KRIT1: variants seen among roughly 807,000 people sequenced by gnomAD.
KRIT1 encodes the protein krev interaction trapped protein 1.
A neutral mutation model predicts 95.8 loss-of-function variants in KRIT1; 45 were observed. The ratio of observed to expected loss-of-function variants is 0.47; its 90% CI spans 0.37 to 0.60. The LOEUF is 0.60. KRIT1 is among the 20% of genes least tolerant of loss of function. The pLI is 0.00. For missense variants in KRIT1, 788 were observed against 877.5 expected (o/e 0.90, Z 1.29); for synonymous variants, 282 against 278.8 (o/e 1.01, Z -0.11).
intron 17 of KRIT1, among the ~76,000 whole-genome samples, chr7:92,207,869 A>G (rs544952211): frequency 5.9e-5 from 9 of 152,266 alleles, no homozygotes; most frequent in African/African-American, 1.9e-4. Flanking sequence ...AAAAAAATAT[A>G]AACAAACAAA....
intron 10 of KRIT1, among the ~76,000 whole-genome samples, chr7:92,233,932 C>A (rs1469080547): frequency 1.3e-5 from 2 of 152,122 alleles, no homozygotes; most frequent in Admixed American, 6.6e-5. Context: ...AGAGCTAACC[C>A]CAATCCTGTC....
At chr7:92,224,718 ATTTTAC>A (rs925470792) in intron 12 of KRIT1, among the ~76,000 whole-genome samples, 10 of 152,150 alleles carry the variant, frequency 6.6e-5, no homozygotes, top group Admixed American at 3.3e-4. Context: ...GGAAACACCT[ATTTTAC>A]TTTTATGAGG....
intron 11 of KRIT1, 35 bp from the exon 12 acceptor site, chr7:92,225,862 T>A: frequency 1.9e-6 from 2 of 1,061,232 alleles, no homozygotes; most frequent in Non-Finnish European, 3.0e-6. Context: ...AAAAAAGGCA[T>A]TACATATTAT....
In KRIT1 at chr7:92,222,005, C is replaced by G; in HGVS notation, c.1460G>C (p.Trp487Ser). 6.2e-7 allele frequency: 1 copy of G among 1,613,442 alleles called. No individual in the cohort carries two copies. The highest frequency in any genetic ancestry group is 8.5e-7 in the Non-Finnish European group (1 of 1,179,452). ...AGTCAATTCAGCAAGTATTTCTGGC[C>G]AGTCACGAACATGTTGCAAGGGTTT... Reference protein sequence around the residue: ...YHKPLQHVRDWPEILAELTNL... With the variant: ...YHKPLQHVRDSPEILAELTNL... The change falls in exon 14 of 19, where the codon TGG (tryptophan) becomes TCG (serine). Residue 487 changes from tryptophan (W) to serine (S), a missense_variant. Trp to Ser is a radical substitution (Grantham distance 177). Transcript: ENST00000394505.
rs551631173 is a variant in KRIT1 at position 92,244,984 on chromosome 7, C to T, written c.-233G>A. 1 of 152,000 alleles carries T rather than the reference C, an allele frequency of 6.6e-6. No homozygotes were observed. Among genetic ancestry groups the T allele is most frequent in the African/African-American group, 2.4e-5 (1 of 41,416 alleles). 9.4% of individuals were successfully genotyped at this position (152,000 alleles called of 1,614,324 possible). A position where few individuals can be genotyped will look rare whatever the true frequency, so the allele number is the denominator to read the frequency against. On this transcript the variant is annotated 5_prime_UTR_variant, in exon 2 of 19. Transcript: ENST00000394505. ...GAGATGTACAACTGCCATTTAGTGT[C>T]CATGGAACAGGTTTGCTAACATCCT... is the stretch of plus-strand genomic sequence containing the variant.
At chr7:92,227,523 A>G (rs1796438368) in intron 10 of KRIT1, among the ~76,000 whole-genome samples, 1 of 152,168 alleles carries the variant, frequency 6.6e-6, no homozygotes, top group Admixed American at 6.5e-5. Flanking sequence ...CTCTGATAGA[A>G]GAACAATTTG....
chr7:92,227,960 C>T (rs1796530265), intron 10 of KRIT1, among the ~76,000 whole-genome samples: 1 of 151,940 alleles, frequency 6.6e-6, no homozygotes, highest in Non-Finnish European at 1.5e-5. Flanking sequence ...TGCAGTGAGC[C>T]AGAGATCGCG....
At chr7:92,204,763 C>T (rs1004317618) in intron 17 of KRIT1, among the ~76,000 whole-genome samples, 2 of 152,038 alleles carry the variant, frequency 1.3e-5, no homozygotes, top group African/African-American at 4.8e-5. Flanking sequence ...TGAAGCTTTG[C>T]TTGCTGCTCA....
At chr7:92,212,403 T>C (rs1238006563) in intron 17 of KRIT1, among the ~76,000 whole-genome samples, 1 of 152,184 alleles carries the variant, frequency 6.6e-6, no homozygotes, top group Non-Finnish European at 1.5e-5. Context: ...GTGTCCTGCC[T>C]CCCAAAATTG....
chr7:92,218,087 C>G (rs986077798), intron 14 of KRIT1, among the ~76,000 whole-genome samples: 1 of 152,128 alleles, frequency 6.6e-6, no homozygotes, highest in African/African-American at 2.4e-5. Context: ...GGGTCTTGCT[C>G]TTTCATCCAG....
intron 6 of KRIT1, among the ~76,000 whole-genome samples, chr7:92,237,207 A>G (rs905615099): frequency 3.9e-5 from 6 of 152,168 alleles, no homozygotes; most frequent in Non-Finnish European, 8.8e-5. Context: ...CCAAAGGAAT[A>G]AAACATTTTC....
At chr7:92,235,780 T>TAAC in intron 7 of KRIT1, 134 bp from the exon 8 acceptor site, 1 of 781,920 alleles carries the variant, frequency 1.3e-6, no homozygotes, top group Non-Finnish European at 2.0e-6. Context: ...TTAGTGTTAG[T>TAAC]TAAGTACTTT....
At chr7:92,227,697 G>C (rs1217702936) in intron 10 of KRIT1, among the ~76,000 whole-genome samples, 1 of 151,412 alleles carries the variant, frequency 6.6e-6, no homozygotes, top group East Asian at 2.1e-4. Flanking sequence ...ACCACGCCCA[G>C]CTAATTTTTG....
At chr7:92,209,633 T>C (rs1424232881) in intron 17 of KRIT1, among the ~76,000 whole-genome samples, 3 of 152,040 alleles carry the variant, frequency 2.0e-5, no homozygotes, top group Non-Finnish European at 4.4e-5. Flanking sequence ...AATCAAATAA[T>C]TGAGAATAAA....
intron 17 of KRIT1, among the ~76,000 whole-genome samples, chr7:92,202,078 A>G (rs1039110920): frequency 6.6e-6 from 1 of 152,214 alleles, no homozygotes; most frequent in Non-Finnish European, 1.5e-5. Context: ...TCTTTTGAAT[A>G]TTTACATAGT....
At chr7:92,223,667 C>G (rs905879673) in intron 12 of KRIT1, among the ~76,000 whole-genome samples, 1 of 151,990 alleles carries the variant, frequency 6.6e-6, no homozygotes, top group African/African-American at 2.4e-5. Context: ...AAGTACTTCA[C>G]GAGTCTAGTG....
At chr7:92,231,812 C>A (rs1797356994) in intron 10 of KRIT1, among the ~76,000 whole-genome samples, 1 of 152,086 alleles carries the variant, frequency 6.6e-6, no homozygotes, top group East Asian at 1.9e-4. Context: ...ATTAATTTAT[C>A]CAAGTATAAA....
intron 10 of KRIT1, among the ~76,000 whole-genome samples, chr7:92,233,036 T>C (rs374252450): frequency 6.6e-6 from 1 of 152,140 alleles, no homozygotes; most frequent in Non-Finnish European, 1.5e-5. Flanking sequence ...CAGTATTTTC[T>C]GGTAATCTAA....
chr7:92,242,780 TC>T (rs1477627935), intron 3 of KRIT1, among the ~76,000 whole-genome samples: 2 of 152,342 alleles, frequency 1.3e-5, no homozygotes, highest in Admixed American at 6.5e-5. Flanking sequence ...AAGAATCTTT[TC>T]CATTTCCCTT....
Sources: allele counts gnomAD v4.1 joint callset (sites outside exome capture counted in the v4.1 genomes callset), GRCh38; gene constraint gnomAD v4.1.1; transcripts MANE v1.5; gene names NCBI Gene and HGNC (gene_info 2026-07-23, HGNC 2026-07-21).